The following UBE2K variants were observed in gnomAD, a reference collection of about 807,000 sequenced individuals.
UBE2K encodes the protein ubiquitin conjugating enzyme E2 K, also known as ubiquitin-conjugating enzyme E2 K.
In UBE2K, 6 loss-of-function variants were observed where a neutral mutation model predicts 30.0. The ratio of observed to expected loss-of-function variants is 0.20; its 90% CI spans 0.11 to 0.39. UBE2K has a LOEUF of 0.39. Ranked by LOEUF, UBE2K falls within the 10% of genes least tolerant of loss-of-function variation. The pLI, the probability that UBE2K is intolerant of heterozygous loss-of-function variation, is 1.00. For missense variants in UBE2K, 61 were observed against 241.6 expected (o/e 0.25, Z 4.96); for synonymous variants, 86 against 83.7 (o/e 1.03, Z -0.15).
chr4:39,777,635 A>G (rs771098272), intron 5 of UBE2K, 47 bp from the exon 6 acceptor site: 1 of 1,467,952 alleles, frequency 6.8e-7, no homozygotes. Context: ...AATATATCAA[A>G]TATTATAACT....
intron 1 of UBE2K, among the ~76,000 whole-genome samples, chr4:39,709,603 G>T (rs1025403419): frequency 1.3e-5 from 2 of 151,978 alleles, no homozygotes; most frequent in African/African-American, 2.4e-5. Flanking sequence ...ATGTATGTAC[G>T]TATAGGGTCG....
In UBE2K at chr4:39,698,313, G is replaced by A; in HGVS notation, c.-15G>A. 1.2e-6 allele frequency: 2 copies of A among 1,609,514 alleles called. No individual in the cohort carries two copies. Among genetic ancestry groups the A allele is most frequent in the Non-Finnish European group, 1.7e-6 (2 of 1,178,164 alleles). ...TGGCGGAGGAGGCGGGTACGAATCA[G>A]CTGCGGGCGGAGACATGGCCAACAT... On this transcript the variant is annotated 5_prime_UTR_variant, in exon 1 of 7. Transcript: ENST00000261427.
chr4:39,703,500 G>C (rs1286309028), intron 1 of UBE2K, among the ~76,000 whole-genome samples: 1 of 151,972 alleles, frequency 6.6e-6, no homozygotes. Flanking sequence ...GCATCAGCGA[G>C]ACCCTGTCTC....
intron 4 of UBE2K, among the ~76,000 whole-genome samples, chr4:39,771,585 G>A (rs921464341): frequency 1.3e-5 from 2 of 152,190 alleles, no homozygotes; most frequent in African/African-American, 4.8e-5. Flanking sequence ...GGTGTATAGG[G>A]CGCGCTCGCG....
At chr4:39,765,938 T>TACATACAC (rs1258930076) in intron 4 of UBE2K, among the ~76,000 whole-genome samples, 26 of 149,496 alleles carry the variant, frequency 1.7e-4, no homozygotes, top group South Asian at 4.3e-4. Flanking sequence ...CATACATACA[T>TACATACAC]ACACACACAC....
intron 3 of UBE2K, among the ~76,000 whole-genome samples, chr4:39,748,994 T>C (rs1389799699): frequency 6.6e-6 from 1 of 152,226 alleles, no homozygotes; most frequent in Admixed American, 6.5e-5. Flanking sequence ...TGTAAATTTC[T>C]TGCTGAATTG....
chr4:39,778,097 CAAAAAAA>C (rs36215155), intron 6 of UBE2K, among the ~76,000 whole-genome samples: 550 of 51,784 alleles, frequency 0.011, 5 homozygotes, highest in African/African-American at 0.04. Flanking sequence ...GACCCTGTCT[CAAAAAAA>C]AAAAAAAAAA....
At chr4:39,736,428 C>T (rs973497504) in intron 1 of UBE2K, among the ~76,000 whole-genome samples, 7 of 152,188 alleles carry the variant, frequency 4.6e-5, no homozygotes, top group African/African-American at 1.7e-4. Flanking sequence ...TGCCATCGCA[C>T]TCCAGCCTGG....
intron 1 of UBE2K, among the ~76,000 whole-genome samples, chr4:39,711,411 C>T (rs1271577391): frequency 1.3e-5 from 2 of 151,804 alleles, no homozygotes; most frequent in Non-Finnish European, 2.9e-5. Flanking sequence ...ATCCGCCCGC[C>T]TCGGCCTCCC....
In UBE2K at chr4:39,710,253, C is replaced by T. The variant is rs1718592867; in HGVS notation, c.63+11863C>T. On this transcript the variant is annotated intron_variant, in intron 1 of 6. Transcript: ENST00000261427. Reference sequence around the variant, plus strand: ...ATAACTGCCTACAGTTGAATGCCTACTGTCTGATTGATTGATTGATTGATT... The same window carrying T: ...ATAACTGCCTACAGTTGAATGCCTATTGTCTGATTGATTGATTGATTGATT... The T allele has an allele frequency of 5.5e-5, 4 of 72,558 alleles. No homozygotes were observed. The Admixed American group carries it at 7.0e-4, about 13-fold the overall frequency. 4.5% of individuals were successfully genotyped at this position (72,558 alleles called of 1,614,324 possible). A position where few individuals can be genotyped will look rare whatever the true frequency, so the allele number is the denominator to read the frequency against.
At chr4:39,719,840 C>A (rs1719323172) in intron 1 of UBE2K, among the ~76,000 whole-genome samples, 1 of 152,178 alleles carries the variant, frequency 6.6e-6, no homozygotes. Context: ...TCCTATTAGA[C>A]ATTCAGTTAT....
At chr4:39,715,467 C>A (rs551771576) in intron 1 of UBE2K, among the ~76,000 whole-genome samples, 1 of 151,902 alleles carries the variant, frequency 6.6e-6, no homozygotes, top group South Asian at 2.1e-4. Flanking sequence ...CCACCATGCC[C>A]GTCTGCTTTT....
At chr4:39,721,540 A>G (rs1023744662) in intron 1 of UBE2K, among the ~76,000 whole-genome samples, 7 of 151,846 alleles carry the variant, frequency 4.6e-5, no homozygotes, top group African/African-American at 1.4e-4. Flanking sequence ...TTTTTTTTGT[A>G]GAGATGGGGT....
At chr4:39,713,824 A>G (rs138897682) in intron 1 of UBE2K, 166 of 151,918 alleles carry the variant, frequency 1.1e-3, no homozygotes, top group African/African-American at 3.9e-3. Context: ...CTCTGAGTAT[A>G]CTTTCTTCAT....
At chr4:39,719,532 A>C (rs955508526) in intron 1 of UBE2K, among the ~76,000 whole-genome samples, 1 of 152,196 alleles carries the variant, frequency 6.6e-6, no homozygotes, top group Non-Finnish European at 1.5e-5. Context: ...CTCTTAGGAC[A>C]TAGGTTTAGG....
intron 4 of UBE2K, among the ~76,000 whole-genome samples, chr4:39,768,310 T>C (rs1188625439): frequency 2.1e-5 from 3 of 145,022 alleles, no homozygotes; most frequent in African/African-American, 7.7e-5. Context: ...CCAGGCATGG[T>C]AGCAGGCGCC....
rs11945490 is a variant in UBE2K at position 39,757,984 on chromosome 4, A to G, written c.299+2245A>G. ...CATAACTTCACCTTTACATACTGCA[A>G]ACTCACAAATTATCTTCCCTGAACT... On this transcript the variant is annotated intron_variant, in intron 4 of 6. Transcript: ENST00000261427. Among the ~76,000 whole-genome samples, 1,246 of 152,238 alleles carry G rather than the reference A, an allele frequency of 8.2e-3. 22 individuals carry two copies. Among genetic ancestry groups the G allele is most frequent in the African/African-American group, 0.029 (1,186 of 41,520 alleles).
At chr4:39,720,285 A>C (rs1369621707) in intron 1 of UBE2K, among the ~76,000 whole-genome samples, 2 of 151,406 alleles carry the variant, frequency 1.3e-5, no homozygotes, top group Non-Finnish European at 2.9e-5. Flanking sequence ...GGAATGTCCA[A>C]GCCCAAAACT....
In UBE2K at chr4:39,747,365, G is replaced by T. The variant is rs930084116; in HGVS notation, c.216+1555G>T. On this transcript the variant is annotated intron_variant, in intron 3 of 6. Transcript: ENST00000261427. ...AAGCAATAACTCCCCATTATTCCCC[G>T]CTCCCAGCTTCTGGTAACCACTGTT... is the stretch of plus-strand genomic sequence containing the variant. Among the ~76,000 whole-genome samples the T allele has an allele frequency of 3.3e-5, 5 of 152,048 alleles. No individual in the cohort carries two copies. The South Asian group carries it at 1.0e-3, about 32-fold the overall frequency.
Sources: allele counts gnomAD v4.1 joint callset (sites outside exome capture counted in the v4.1 genomes callset), GRCh38; gene constraint gnomAD v4.1.1; transcripts MANE v1.5; gene names NCBI Gene and HGNC (gene_info 2026-07-23, HGNC 2026-07-21).